Variants in ADK observed in about 807,000 individuals in gnomAD.
ADK encodes the protein N6,N6-dimethyladenosine kinase.
ADK carries 24 observed loss-of-function variants against 44.7 expected under a neutral mutation model. The observed-to-expected ratio is 0.54, with a 90% CI of 0.39 to 0.76. The LOEUF is 0.76. ADK is among the 30% of genes least tolerant of loss of function. ADK has a pLI of 0.00. For synonymous variants in ADK, 128 were observed against 142.6 expected (o/e 0.90, Z 0.73); for missense variants, 321 against 425.1 (o/e 0.76, Z 2.15).
At chr10:74,534,953 T>A (rs533825158) in intron 7 of ADK, among the ~76,000 whole-genome samples, 4 of 152,340 alleles carry the variant, frequency 2.6e-5, no homozygotes, top group Non-Finnish European at 5.9e-5. Flanking sequence ...TAACATTATA[T>A]ATTCTGATGA....
At chr10:74,306,615 A>C (rs1223673890) in intron 3 of ADK, among the ~76,000 whole-genome samples, 1 of 152,196 alleles carries the variant, frequency 6.6e-6, no homozygotes, top group East Asian at 1.9e-4. Context: ...TGTATCTTCT[A>C]CCAGAGTGTT....
At chr10:74,418,596 T>A (rs1844452631) in intron 6 of ADK, among the ~76,000 whole-genome samples, 1 of 152,198 alleles carries the variant, frequency 6.6e-6, no homozygotes, top group African/African-American at 2.4e-5. Context: ...GGTGTTATAA[T>A]TACCCAAAGA....
At chr10:74,354,401 A>G (rs1173284099) in intron 4 of ADK, among the ~76,000 whole-genome samples, 1 of 152,154 alleles carries the variant, frequency 6.6e-6, no homozygotes, top group African/African-American at 2.4e-5. Context: ...AATTTCCCCC[A>G]TGAAACCTTT....
At chr10:74,366,865 G>A (rs574276438) in intron 4 of ADK, among the ~76,000 whole-genome samples, 32 of 152,336 alleles carry the variant, frequency 2.1e-4, no homozygotes, top group Middle Eastern at 3.4e-3. Flanking sequence ...GGTAGGCAGA[G>A]GTTACAGTGA....
chr10:74,517,463 C>G (rs1391878537), intron 6 of ADK, among the ~76,000 whole-genome samples: 1 of 151,886 alleles, frequency 6.6e-6, no homozygotes, highest in Non-Finnish European at 1.5e-5. Flanking sequence ...CTGAGGGAGG[C>G]GTATGGCTTG....
intron 4 of ADK, among the ~76,000 whole-genome samples, chr10:74,360,363 G>A (rs1005500394): frequency 1.3e-5 from 2 of 152,190 alleles, no homozygotes; most frequent in Admixed American, 1.3e-4. Flanking sequence ...TGTGTATTCT[G>A]TAGCAGTTGG....
intron 6 of ADK, among the ~76,000 whole-genome samples, chr10:74,421,816 G>A (rs930734532): frequency 2.6e-5 from 4 of 152,298 alleles, no homozygotes; most frequent in South Asian, 2.1e-4. Flanking sequence ...CCGAGTGGCC[G>A]TAGCTGGAAT....
intron 6 of ADK, among the ~76,000 whole-genome samples, chr10:74,444,428 G>A (rs1845526737): frequency 1.3e-5 from 2 of 152,032 alleles, no homozygotes; most frequent in Admixed American, 6.6e-5. Context: ...ATCTTTTCAC[G>A]AATGTGAACC....
chr10:74,315,691 G>A (rs1484660789), intron 4 of ADK, among the ~76,000 whole-genome samples: 1 of 152,140 alleles, frequency 6.6e-6, no homozygotes, highest in African/African-American at 2.4e-5. Flanking sequence ...CTGGGGAAGT[G>A]GAAAATTGAC....
At chr10:74,391,871 G>A (rs60126881) in intron 4 of ADK, among the ~76,000 whole-genome samples, 2 of 151,922 alleles carry the variant, frequency 1.3e-5, no homozygotes, top group South Asian at 2.1e-4. Flanking sequence ...CCTCCCTGAC[G>A]TCCTTGGCAA....
rs192223149 is a variant in ADK, at chr10:74,160,823, A to G, written c.65+9480A>G. ...GGTGTTGATGGGTACACTGTAATCAACAACTCCGACAGGACCTTGTAGAGT... is the reference window on the plus strand; with the variant it reads ...GGTGTTGATGGGTACACTGTAATCAGCAACTCCGACAGGACCTTGTAGAGT... On this transcript the variant is annotated intron_variant, in intron 1 of 10. Coordinates refer to ENST00000539909, the MANE Select transcript of ADK (RefSeq NM_006721.4). Among the ~76,000 whole-genome samples, 608 of 152,126 alleles carry G rather than the reference A, an allele frequency of 4.0e-3. 8 individuals are homozygous for G. Among genetic ancestry groups the G allele is most frequent in the African/African-American group, 0.013 (543 of 41,492 alleles).
intron 6 of ADK, among the ~76,000 whole-genome samples, chr10:74,520,316 G>C (rs931547730): frequency 1.3e-5 from 2 of 151,054 alleles, no homozygotes; most frequent in Non-Finnish European, 3.0e-5. Context: ...TAAAAACAAA[G>C]TCTTTTTTTT....
intron 7 of ADK, among the ~76,000 whole-genome samples, chr10:74,578,549 C>A (rs987436394): frequency 1.3e-5 from 2 of 152,030 alleles, no homozygotes; most frequent in Non-Finnish European, 2.9e-5. Flanking sequence ...AACAAATAGT[C>A]ATTTGCTGTA....
chr10:74,546,936 G>GA (rs1287614631), intron 7 of ADK, among the ~76,000 whole-genome samples: 6 of 151,984 alleles, frequency 3.9e-5, no homozygotes, highest in African/African-American at 1.2e-4. Flanking sequence ...ACATGCAAAA[G>GA]AAAAAATTAA....
At position 74,209,778 on chromosome 10, in the gene ADK, A is replaced by T. The variant is rs561217132; in HGVS notation, c.140+8940A>T. ...CCTGTGGCAGAAAGTACATTATTGA[A>T]AAGAATCTTTTCTAGTAAACTGTAG... On this transcript the variant is annotated intron_variant, in intron 2 of 10. Transcript: ENST00000539909. Among the ~76,000 whole-genome samples, 6 of 152,300 alleles carry T rather than the reference A, an allele frequency of 3.9e-5. No individual in the cohort carries two copies. The South Asian group carries it at 1.2e-3, about 32-fold the overall frequency.
intron 1 of ADK, among the ~76,000 whole-genome samples, chr10:74,170,540 T>G (rs7913178): frequency 0.53 from 81,073 of 151,806 alleles, 22,675 homozygotes; most frequent in Non-Finnish European, 0.62. Flanking sequence ...GGCTCACGCC[T>G]GTAATCCTAG....
At chr10:74,586,911 A>G (rs1353003396) in intron 7 of ADK, among the ~76,000 whole-genome samples, 1 of 150,084 alleles carries the variant, frequency 6.7e-6, no homozygotes. Context: ...TTATATACAC[A>G]TATATATACA....
At chr10:74,255,698 G>A (rs1845799201) in intron 3 of ADK, among the ~76,000 whole-genome samples, 1 of 152,166 alleles carries the variant, frequency 6.6e-6, no homozygotes, top group Non-Finnish European at 1.5e-5. Flanking sequence ...TAATTTATTA[G>A]AATTGCCACC....
chr10:74,214,838 T>C (rs1843953451), intron 2 of ADK, among the ~76,000 whole-genome samples: 1 of 152,234 alleles, frequency 6.6e-6, no homozygotes, highest in African/African-American at 2.4e-5. Context: ...AATTGTTAAA[T>C]AATGCGCTGG....
Sources: allele counts gnomAD v4.1 joint callset (sites outside exome capture counted in the v4.1 genomes callset), GRCh38; gene constraint gnomAD v4.1.1; transcripts MANE v1.5; gene names NCBI Gene and HGNC (gene_info 2026-07-23, HGNC 2026-07-21).